The following DYSF variants were observed in gnomAD, a reference collection of about 807,000 sequenced individuals.
DYSF encodes dysferlin.
Under a neutral mutation model 274.9 loss-of-function variants are expected in DYSF, and 212 were observed. The observed-to-expected ratio is 0.77, with a 90% CI of 0.69 to 0.86. The LOEUF (loss-of-function observed/expected upper bound fraction) is 0.86. Among genes scored for constraint, DYSF ranks in the 40% least tolerant of loss-of-function variants. The probability of loss-of-function intolerance (pLI) is 0.00; values close to 1 mark genes in which losing one functional copy is unlikely to be tolerated. For missense variants in DYSF, 2,666 were observed against 2,783.2 expected (o/e 0.96, Z 0.95); for synonymous variants, 1,091 against 1,078.7 (o/e 1.01, Z -0.22).
intron 1 of DYSF, among the ~76,000 whole-genome samples, chr2:71,470,754 TTCCTTCCTTCC>T (rs1407295452): frequency 4.8e-5 from 7 of 146,646 alleles, no homozygotes; most frequent in African/African-American, 1.0e-4. Context: ...CCTTCCTTCC[TTCCTTCCTTCC>T]TTCCTTCCTT....
At chr2:71,660,020 T>C (rs2094848747) in intron 44 of DYSF, among the ~76,000 whole-genome samples, 5 of 152,138 alleles carry the variant, frequency 3.3e-5, no homozygotes, top group Admixed American at 3.3e-4. Flanking sequence ...GCCTCCAAGG[T>C]GTGGTCATGG....
chr2:71,596,210 C>G (rs957515520), intron 32 of DYSF, among the ~76,000 whole-genome samples: 2 of 152,030 alleles, frequency 1.3e-5, no homozygotes, highest in African/African-American at 4.8e-5. Context: ...CGTTCTCCCC[C>G]CAGCGCTGAG....
intron 1 of DYSF, among the ~76,000 whole-genome samples, chr2:71,460,890 G>A (rs1433941424): frequency 2.6e-5 from 4 of 151,292 alleles, no homozygotes; most frequent in Non-Finnish European, 5.9e-5. Context: ...GGGTAGGGTG[G>A]GGTATGATAG....
At chr2:71,513,985 C>T (rs566272229) in intron 7 of DYSF, 64 bp downstream of exon 7, 1 of 1,588,410 alleles carries the variant, frequency 6.3e-7, no homozygotes, top group East Asian at 2.3e-5. Context: ...GTGCCAGGCA[C>T]CTGCCTGGTT....
chr2:71,677,192 A>G (rs191402004), intron 52 of DYSF, among the ~76,000 whole-genome samples: 31 of 152,324 alleles, frequency 2.0e-4, no homozygotes, highest in Admixed American at 1.1e-3. Context: ...AAGCAGACGC[A>G]CAGATGGAAG....
At chr2:71,473,639 C>T (rs888388125) in intron 1 of DYSF, among the ~76,000 whole-genome samples, 8 of 152,188 alleles carry the variant, frequency 5.3e-5, no homozygotes, top group South Asian at 2.1e-4. Flanking sequence ...GCTTCCCATT[C>T]GCCAAGCCGA....
In DYSF at chr2:71,551,680, A is replaced by G; in HGVS notation, c.1766A>G (p.Lys589Arg). The change falls in exon 19 of 56, where the codon AAG becomes AGG. Residue 589 changes from lysine to arginine, a missense_variant. Physicochemically the swap from Lys to Arg is conservative, Grantham distance 26 (BLOSUM62 2). Around this residue, in one of 3 missense-constraint regions of DYSF, gnomAD observed 794 missense variants for 777.1 expected, o/e 1.02. Coordinates refer to ENST00000410020, the MANE Select transcript of DYSF (RefSeq NM_001130987.2). The stretch of plus-strand genomic sequence containing the variant: ...AAGCTGGTGGAGCACAGTGAACAGA[A>G]GGTGGAGGACCTTCCTGCGGATGAC... ...ETKLVEHSEQ[K>R]VEDLPADDIL... The G allele has an allele frequency of 1.2e-6, 2 of 1,610,866 alleles. No homozygotes were observed. The highest frequency in any genetic ancestry group is 1.7e-6 in the Non-Finnish European group (2 of 1,179,420).
chr2:71,609,058 G>A (rs1317881893), intron 36 of DYSF, among the ~76,000 whole-genome samples: 1 of 152,098 alleles, frequency 6.6e-6, no homozygotes, highest in African/African-American at 2.4e-5. Flanking sequence ...TGTCTTTAAA[G>A]AGGACACCCT....
At chr2:71,655,066 G>A (rs982199906) in intron 42 of DYSF, among the ~76,000 whole-genome samples, 1 of 152,090 alleles carries the variant, frequency 6.6e-6, no homozygotes, top group African/African-American at 2.4e-5. Context: ...ACTCCACCCT[G>A]GGTGACAGAG....
intron 40 of DYSF, among the ~76,000 whole-genome samples, chr2:71,616,506 G>A (rs1244709518): frequency 1.3e-5 from 2 of 152,018 alleles, no homozygotes; most frequent in Non-Finnish European, 2.9e-5. Context: ...AGGAGCAGGT[G>A]TGTGCACGAG....
At position 71,470,499 on chromosome 2, in the gene DYSF, T is replaced by C. The variant is rs963313314; in HGVS notation, c.91+3566T>C. Among the ~76,000 whole-genome samples, 13 of 151,858 alleles carry C rather than the reference T, an allele frequency of 8.6e-5. No individual in the cohort carries two copies. In the Middle Eastern group the frequency reaches 0.014, roughly 160 times the overall value. On this transcript the variant is annotated intron_variant, in intron 1 of 55. Transcript: ENST00000410020. ...AATCCTGGCTAACATGGTGAAACCC[T>C]GTCTCTACTAAAAATACAAAAAAAA...
intron 1 of DYSF, among the ~76,000 whole-genome samples, chr2:71,469,376 C>T (rs2081797018): frequency 6.6e-6 from 1 of 152,174 alleles, no homozygotes; most frequent in South Asian, 2.1e-4. Flanking sequence ...TTTTCTGAAG[C>T]CAGATCCCTT....
chr2:71,496,397 A>C (rs1214339511), intron 3 of DYSF, among the ~76,000 whole-genome samples: 1 of 152,076 alleles, frequency 6.6e-6, no homozygotes, highest in Non-Finnish European at 1.5e-5. Flanking sequence ...GGAGGCAGAG[A>C]GAGCGAGGGG....
intron 43 of DYSF, 90 bp downstream of exon 43, chr2:71,656,380 G>A: frequency 1.3e-6 from 2 of 1,564,862 alleles, no homozygotes; most frequent in Non-Finnish European, 1.7e-6. Context: ...ACCTACACTG[G>A]TGACCCTGGT....
chr2:71,685,450 C>T (rs1027725631), intron 55 of DYSF, among the ~76,000 whole-genome samples: 1 of 152,204 alleles, frequency 6.6e-6, no homozygotes, highest in Non-Finnish European at 1.5e-5. Context: ...CCTCCTTCCA[C>T]CCAAGTCACT....
intron 42 of DYSF, among the ~76,000 whole-genome samples, chr2:71,648,335 GA>G (rs1482519194): frequency 6.6e-6 from 1 of 152,156 alleles, no homozygotes; most frequent in Non-Finnish European, 1.5e-5. Flanking sequence ...ATGAAAACGT[GA>G]AGTTGGAAGG....
At chr2:71,515,567 G>T in intron 7 of DYSF, 56 bp from the exon 8 acceptor site, 5 of 1,613,146 alleles carry the variant, frequency 3.1e-6, no homozygotes, top group South Asian at 1.1e-5. Context: ...GGTGGATGGT[G>T]GGTGGTCCTT....
At chr2:71,634,309 A>G (rs1010071140) in intron 41 of DYSF, among the ~76,000 whole-genome samples, 4 of 152,240 alleles carry the variant, frequency 2.6e-5, no homozygotes, top group African/African-American at 9.6e-5. Context: ...GAGGTAAAAA[A>G]CACATTTGGA....
intron 23 of DYSF, among the ~76,000 whole-genome samples, chr2:71,562,665 G>A (rs574426835): frequency 6.6e-6 from 1 of 152,314 alleles, no homozygotes; most frequent in African/African-American, 2.4e-5. Context: ...AGGAGGTAGG[G>A]GCTCTCCCCA....
Sources: allele counts gnomAD v4.1 joint callset (sites outside exome capture counted in the v4.1 genomes callset), GRCh38; gene constraint gnomAD v4.1.1; regional missense constraint gnomAD v4.1.1; transcripts MANE v1.5; gene names NCBI Gene and HGNC (gene_info 2026-07-23, HGNC 2026-07-21).